DNAH14: variants seen among roughly 807,000 people sequenced by gnomAD.
The protein encoded by DNAH14 is dynein axonemal heavy chain 14, also known as axonemal beta dynein heavy chain 14.
DNAH14 carries 478 observed loss-of-function variants against 520.9 expected under a neutral mutation model. That is an observed-to-expected ratio of 0.92 (90% CI 0.85 to 0.99). The LOEUF (loss-of-function observed/expected upper bound fraction) is 0.99. DNAH14 is among the 50% of genes least tolerant of loss of function. The probability of loss-of-function intolerance (pLI) is 0.00; values close to 1 mark genes in which losing one functional copy is unlikely to be tolerated. For missense variants in DNAH14, 4,831 were observed against 5,234.5 expected, an observed-to-expected ratio of 0.92 and a Z score of 2.38; for synonymous variants, 1,581 against 1,757.2, an observed-to-expected ratio of 0.90 and a Z score of 2.51.
At position 225,398,512 on chromosome 1, in the gene DNAH14, C is replaced by T. The variant is rs1183113461; in HGVS notation, c.13492-8C>T. ...GGGATCCCTGACACCACCTCTCTTC[C>T]ATCTTAGGGCTCAGCTTCCTCTCAC... On this transcript the variant is annotated splice_region_variant and splice_polypyrimidine_tract_variant and intron_variant, in intron 84 of 85. Coordinates refer to ENST00000682510, the MANE Select transcript of DNAH14 (RefSeq NM_001367479.1). 1.3e-6 allele frequency: 2 copies of T among 1,551,382 alleles called. No homozygotes were observed. The highest frequency in any genetic ancestry group is 1.7e-6 in the Non-Finnish European group (2 of 1,146,794).
In DNAH14 at chr1:225,322,085, C is replaced by CTTTTT. The variant is rs3047035; in HGVS notation, c.9336-560_9336-556dup. 6.0e-3 allele frequency among the ~76,000 whole-genome samples: 538 copies of CTTTTT among 90,186 alleles called. 5 individuals are homozygous for CTTTTT. Among genetic ancestry groups the CTTTTT allele is most frequent in the South Asian group, 7.6e-3 (15 of 1,980 alleles). 59.2% of individuals were successfully genotyped at this position (90,186 alleles called of 152,430 possible). On this transcript the variant is annotated intron_variant, in intron 61 of 85. Transcript: ENST00000682510. ...TGAAGACTTTTCTTTTTTTTTCTTT[C>CTTTTT]TTTTTTTTTTTTTTTTTTTTTTTGA...
chr1:224,953,859 A>T (rs1367305490), intron 2 of DNAH14, among the ~76,000 whole-genome samples: 1 of 152,220 alleles, frequency 6.6e-6, no homozygotes, highest in Admixed American at 6.5e-5. Flanking sequence ...GAAAACATAT[A>T]AGCTCATTTT....
intron 10 of DNAH14, among the ~76,000 whole-genome samples, chr1:225,013,073 C>A (rs180720964): frequency 6.6e-6 from 1 of 152,102 alleles, no homozygotes; most frequent in African/African-American, 2.4e-5. Context: ...AGCCTTGGTG[C>A]GCTGGATTTT....
chr1:225,050,640 C>T (rs955520017), intron 16 of DNAH14, among the ~76,000 whole-genome samples: 3 of 152,186 alleles, frequency 2.0e-5, no homozygotes, highest in Non-Finnish European at 4.4e-5. Flanking sequence ...ACTTGCCATA[C>T]CTCAACTCTT....
chr1:225,284,149 A>G (rs2093686732), intron 54 of DNAH14, among the ~76,000 whole-genome samples: 1 of 152,086 alleles, frequency 6.6e-6, no homozygotes, highest in Non-Finnish European at 1.5e-5. Context: ...AGAAAATAAT[A>G]AAGATTAGAG....
intron 73 of DNAH14, among the ~76,000 whole-genome samples, chr1:225,355,592 A>C (rs188232089): frequency 2.0e-5 from 3 of 152,230 alleles, no homozygotes; most frequent in Admixed American, 1.3e-4. Flanking sequence ...AATTTAGAGG[A>C]GACACCAGCA....
chr1:225,272,468 AAAT>A (rs796629927), intron 51 of DNAH14, among the ~76,000 whole-genome samples: 17 of 152,364 alleles, frequency 1.1e-4, no homozygotes, highest in African/African-American at 4.1e-4. Flanking sequence ...AGCCATGGCC[AAAT>A]AATTTTCAAA....
At chr1:225,001,413 T>C (rs895693892) in intron 8 of DNAH14, among the ~76,000 whole-genome samples, 1 of 152,156 alleles carries the variant, frequency 6.6e-6, no homozygotes. Context: ...CAGTTCTAGT[T>C]TGTGTGTGAG....
intron 81 of DNAH14, 21 bp downstream of exon 81, chr1:225,381,600 C>CCT: frequency 6.7e-7 from 1 of 1,481,500 alleles, no homozygotes; most frequent in South Asian, 1.3e-5. Flanking sequence ...ATTATTATTT[C>CCT]CTATTTTCTT....
intron 27 of DNAH14, among the ~76,000 whole-genome samples, chr1:225,129,430 A>G (rs1213371772): frequency 2.0e-5 from 3 of 150,526 alleles, no homozygotes; most frequent in African/African-American, 7.3e-5. Flanking sequence ...CTACAAGGCT[A>G]CAGTAACCAA....
chr1:225,360,639 A>G, intron 74 of DNAH14, 42 bp from the exon 75 acceptor site: 1 of 1,481,342 alleles, frequency 6.8e-7, no homozygotes, highest in Non-Finnish European at 9.2e-7. Flanking sequence ...AGGGAATTAA[A>G]TGAGCTTACA....
Position 225,144,702 on chromosome 1 carries a change from T to G in DNAH14, c.4740+74T>G, listed in dbSNP as rs1256707264. The G allele has an allele frequency of 2.5e-6, 3 of 1,184,192 alleles. No individual in the cohort carries two copies. In the African/African-American group the frequency reaches 4.6e-5, roughly 18 times the overall value. The allele number at this position is 1,184,192 out of a possible 1,614,324, so 73.4% of individuals were successfully genotyped here. A position where few individuals can be genotyped will look rare whatever the true frequency, so the allele number is the denominator to read the frequency against. ...CACAAACTTTGATGTTATCTTAAAT[T>G]TACACCATTCCTGCTATTAAGATGT... On this transcript the variant is annotated intron_variant, in intron 29 of 85. Coordinates refer to ENST00000682510, the MANE Select transcript of DNAH14 (RefSeq NM_001367479.1).
chr1:224,965,572 G>T (rs1214031419), intron 5 of DNAH14, among the ~76,000 whole-genome samples: 1 of 151,770 alleles, frequency 6.6e-6, no homozygotes, highest in Non-Finnish European at 1.5e-5. Context: ...ACAAAAACAG[G>T]CACCTGGCCC....
chr1:225,320,453 G>GTTGT (rs1241163350), intron 61 of DNAH14, among the ~76,000 whole-genome samples: 5 of 152,120 alleles, frequency 3.3e-5, no homozygotes, highest in Admixed American at 2.6e-4. Flanking sequence ...TGTCTTGTTT[G>GTTGT]TTGTTTGTTT....
intron 8 of DNAH14, among the ~76,000 whole-genome samples, chr1:224,980,755 A>G (rs1321264280): frequency 2.0e-5 from 3 of 152,150 alleles, no homozygotes; most frequent in Non-Finnish European, 4.4e-5. Context: ...GAAGAGTCTT[A>G]GGTCCTTGAG....
At chr1:225,268,592 C>A (rs1185081772) in intron 49 of DNAH14, among the ~76,000 whole-genome samples, 1 of 152,112 alleles carries the variant, frequency 6.6e-6, no homozygotes, top group Non-Finnish European at 1.5e-5. Context: ...TCGTCTCAGC[C>A]CAAAATCTCC....
At chr1:225,052,746 G>A (rs1031918338) in intron 17 of DNAH14, among the ~76,000 whole-genome samples, 1 of 152,206 alleles carries the variant, frequency 6.6e-6, no homozygotes, top group African/African-American at 2.4e-5. Context: ...GGAAAGAAAG[G>A]TTAGAATATT....
At chr1:224,975,766 T>A (rs1365890753) in intron 8 of DNAH14, among the ~76,000 whole-genome samples, 4 of 151,526 alleles carry the variant, frequency 2.6e-5, no homozygotes, top group Non-Finnish European at 4.4e-5. Flanking sequence ...TGCCTTCTGC[T>A]AGCTTTTGAT....
intron 58 of DNAH14, among the ~76,000 whole-genome samples, chr1:225,306,168 C>T (rs1046669309): frequency 3.3e-5 from 5 of 152,302 alleles, no homozygotes; most frequent in Middle Eastern, 3.4e-3. Context: ...GCAGCAACCT[C>T]AATAGCAGCA....
Sources: gnomAD v4.1 joint callset for allele counts (sites outside exome capture counted in the v4.1 genomes callset) on GRCh38, gnomAD v4.1.1 for gene constraint, MANE v1.5 for transcripts, NCBI Gene and HGNC (gene_info 2026-07-23, HGNC 2026-07-21) for gene names.